The following NIPSNAP1 variants were observed in gnomAD, a reference collection of about 807,000 sequenced individuals.
The protein encoded by NIPSNAP1 is nipsnap homolog 1, also known as protein NipSnap homolog 1.
Under a neutral mutation model 49.2 loss-of-function variants are expected in NIPSNAP1, and 25 were observed. The observed-to-expected ratio is 0.51, with a 90% CI of 0.37 to 0.71. The LOEUF (loss-of-function observed/expected upper bound fraction) is 0.71, where lower values mean the gene tolerates loss of function less well. NIPSNAP1 is among the 30% of genes least tolerant of loss of function. NIPSNAP1 has a pLI of 0.00. For synonymous variants in NIPSNAP1, 143 were observed against 140.7 expected (o/e 1.02, Z -0.12); for missense variants, 294 against 361.0 (o/e 0.81, Z 1.50).
chr22:29,562,060 C>A (rs1212675532), intron 4 of NIPSNAP1, among the ~76,000 whole-genome samples, 198 bp from the exon 5 acceptor site: 1 of 152,096 alleles, frequency 6.6e-6, no homozygotes, highest in Non-Finnish European at 1.5e-5. Context: ...TCTAGGAGAC[C>A]TGGATTTGAG....
At chr22:29,580,450 G>A (rs1216830671) in intron 1 of NIPSNAP1, among the ~76,000 whole-genome samples, 1 of 152,218 alleles carries the variant, frequency 6.6e-6, no homozygotes, top group Non-Finnish European at 1.5e-5. Flanking sequence ...TCCCAGACCT[G>A]GTGCTGCCAC....
intron 3 of NIPSNAP1, 135 bp from the exon 4 acceptor site, chr22:29,569,422 A>C (rs2064390919): frequency 1.4e-6 from 1 of 713,920 alleles, no homozygotes; most frequent in East Asian, 2.7e-5. Context: ...AAGCTAGGCA[A>C]GAGGCCCTCA....
chr22:29,569,943 C>G (rs1002506840), intron 3 of NIPSNAP1: 10 of 564,712 alleles, frequency 1.8e-5, no homozygotes, highest in East Asian at 6.3e-5. Flanking sequence ...GAGCCGAGAT[C>G]GCGCCATTGC....
chr22:29,561,272 G>C, intron 6 of NIPSNAP1, 70 bp from the exon 7 acceptor site: 1 of 1,587,960 alleles, frequency 6.3e-7, no homozygotes, highest in Non-Finnish European at 8.6e-7. Flanking sequence ...AGCTTGGCAA[G>C]GAAGGGAAAC....
chr22:29,570,671 G>C, intron 1 of NIPSNAP1, 139 bp from the exon 2 acceptor site: 1 of 1,158,342 alleles, frequency 8.6e-7, no homozygotes, highest in Non-Finnish European at 1.2e-6. Context: ...GGCAGCTCCA[G>C]ACTGTGAAAT....
chr22:29,556,439 G>T (rs1021634285), intron 9 of NIPSNAP1, among the ~76,000 whole-genome samples: 1 of 151,872 alleles, frequency 6.6e-6, no homozygotes, highest in East Asian at 2.0e-4. Flanking sequence ...CAGGAGAATC[G>T]CTTGAACCCG....
At chr22:29,560,613 G>A (rs750592322) in intron 8 of NIPSNAP1, 121 bp downstream of exon 8, 2 of 818,364 alleles carry the variant, frequency 2.4e-6, no homozygotes, top group Non-Finnish European at 4.3e-6. Flanking sequence ...TTACATCTAA[G>A]ATAGTGTCTC....
At chr22:29,568,887 G>A (rs931400525) in intron 4 of NIPSNAP1, among the ~76,000 whole-genome samples, 3 of 152,328 alleles carry the variant, frequency 2.0e-5, no homozygotes, top group Admixed American at 2.0e-4. Context: ...CAGTAGTCTG[G>A]AACTAAAGAG....
chr22:29,561,529 C>T lies in NIPSNAP1; in HGVS notation c.556G>A (p.Glu186Lys). 1 of 1,614,110 alleles carries T rather than the reference C, an allele frequency of 6.2e-7. No individual in the cohort carries two copies. The change falls in exon 6 of 10, where the codon GAG (glutamate) becomes AAG (lysine). Residue 186 changes from glutamate (E) to lysine (K), a missense_variant. Glu to Lys is a moderately conservative substitution (Grantham distance 56, BLOSUM62 1). Transcript: ENST00000216121. ...PQPRMGPNIY[E>K]LRTYKLKPGT... is the part of the protein sequence containing the mutation. ...ACCTTGAGCTTGTATGTCCTCAGCT[C>T]ATAGATGTTGGGACCCATTCTGGGC... is the stretch of plus-strand genomic sequence containing the variant.
At chr22:29,575,692 T>A (rs1261427901) in intron 1 of NIPSNAP1, among the ~76,000 whole-genome samples, 2 of 150,368 alleles carry the variant, frequency 1.3e-5, no homozygotes, top group Non-Finnish European at 3.0e-5. Flanking sequence ...AGGGAAGGAT[T>A]GCTTGAACCC....
At position 29,568,290 on chromosome 22, in the gene NIPSNAP1, G is replaced by A. The variant is rs906538071; in HGVS notation, c.367+903C>T. ...ACCTGAGGTCAGAAGTTCGAGACCAGCCTGACCAACATGTGAAACCCCATC... is the reference window on the plus strand; with the variant it reads ...ACCTGAGGTCAGAAGTTCGAGACCAACCTGACCAACATGTGAAACCCCATC... On this transcript the variant is annotated intron_variant, in intron 4 of 9. Transcript: ENST00000216121. Among the ~76,000 whole-genome samples, 6 of 149,192 alleles carry A rather than the reference G, an allele frequency of 4.0e-5. No individual in the cohort carries two copies. In the Admixed American group the frequency reaches 4.1e-4, roughly 10 times the overall value.
chr22:29,565,440 G>A (rs1046555046), intron 4 of NIPSNAP1, among the ~76,000 whole-genome samples: 3 of 152,000 alleles, frequency 2.0e-5, no homozygotes, highest in African/African-American at 7.3e-5. Flanking sequence ...TTGAATCCGG[G>A]AGGCAGAGGT....
intron 9 of NIPSNAP1, among the ~76,000 whole-genome samples, chr22:29,558,032 G>A (rs1363658122): frequency 6.6e-6 from 1 of 152,198 alleles, no homozygotes; most frequent in Admixed American, 6.5e-5. Flanking sequence ...GAAGGCTGAG[G>A]TGGGAGGACT....
At chr22:29,569,854 C>T (rs762508040) in intron 3 of NIPSNAP1, 2 of 413,512 alleles carry the variant, frequency 4.8e-6, no homozygotes, top group South Asian at 4.3e-5. Context: ...CCATGCTTAG[C>T]GGCGCATGCC....
chr22:29,558,235 C>T (rs1214107955), intron 9 of NIPSNAP1, among the ~76,000 whole-genome samples: 4 of 152,054 alleles, frequency 2.6e-5, no homozygotes, highest in South Asian at 2.1e-4. Flanking sequence ...TTTGGGAGGC[C>T]GAGGCAGGCG....
Position 29,571,168 on chromosome 22 carries a change from AGTCCACTAG to A in NIPSNAP1, c.99-645_99-637del, listed in dbSNP as rs1467825953. On this transcript the variant is annotated intron_variant, in intron 1 of 9. Coordinates refer to ENST00000216121, the MANE Select transcript of NIPSNAP1 (RefSeq NM_003634.4). ...TAAGCTTTGTCCTTGAGGAGCTCAT[AGTCCACTAG>A]GAGAAATGGGCCTTGGGACACAATT... Among the ~76,000 whole-genome samples, 5 of 152,138 alleles carry A rather than the reference AGTCCACTAG, an allele frequency of 3.3e-5. No individual in the cohort carries two copies. The East Asian group carries it at 9.6e-4, about 29-fold the overall frequency.
chr22:29,571,853 G>C (rs1302033376), intron 1 of NIPSNAP1, among the ~76,000 whole-genome samples: 9 of 151,684 alleles, frequency 5.9e-5, no homozygotes, highest in Non-Finnish European at 1.2e-4. Flanking sequence ...TCGGCTCACT[G>C]CAACCTCGGC....
At chr22:29,579,517 C>G (rs2064481845) in intron 1 of NIPSNAP1, among the ~76,000 whole-genome samples, 3 of 151,876 alleles carry the variant, frequency 2.0e-5, no homozygotes, top group East Asian at 3.9e-4. Context: ...AGGATGGTCT[C>G]GATCTCCTGA....
intron 4 of NIPSNAP1, among the ~76,000 whole-genome samples, chr22:29,563,174 G>A (rs894141487): frequency 6.6e-6 from 1 of 152,108 alleles, no homozygotes; most frequent in South Asian, 2.1e-4. Flanking sequence ...GCTGAGGCAG[G>A]AGAATCGCTT....
Sources: gnomAD v4.1 joint callset for allele counts (sites outside exome capture counted in the v4.1 genomes callset) on GRCh38, gnomAD v4.1.1 for gene constraint, MANE v1.5 for transcripts, NCBI Gene and HGNC (gene_info 2026-07-23, HGNC 2026-07-21) for gene names.